Variants in CD164 observed in about 807,000 individuals in gnomAD.
The protein encoded by CD164 is sialomucin core protein 24.
In CD164, 11 loss-of-function variants were observed where a neutral mutation model predicts 24.6. That is an observed-to-expected ratio of 0.45 (90% CI 0.28 to 0.74). The LOEUF (loss-of-function observed/expected upper bound fraction) is 0.74. Ranked by LOEUF, CD164 falls within the 30% of genes least tolerant of loss-of-function variation. The probability of loss-of-function intolerance (pLI) is 0.13; values close to 1 mark genes in which losing one functional copy is unlikely to be tolerated. For synonymous variants in CD164, 126 were observed against 100.3 expected (o/e 1.26, Z -1.53); for missense variants, 295 against 243.7 (o/e 1.21, Z -1.40).
rs183918880 is a variant in CD164 at position 109,381,062 on chromosome 6, T to C, written c.175+1142A>G. 1.8e-3 allele frequency among the ~76,000 whole-genome samples: 269 copies of C among 152,346 alleles called. 1 individual carries two copies. Among genetic ancestry groups the C allele is most frequent in the African/African-American group, 6.3e-3 (262 of 41,584 alleles). ...ATATGAATGCCGTGATAAAAATCAT[T>C]ACACTTCGGCATTCTTCGGTCAAGA... On this transcript the variant is annotated intron_variant, in intron 1 of 5. Coordinates refer to ENST00000310786, the MANE Select transcript of CD164 (RefSeq NM_006016.6).
chr6:109,374,073 G>A (rs923149761), intron 4 of CD164, among the ~76,000 whole-genome samples: 2 of 152,140 alleles, frequency 1.3e-5, no homozygotes, highest in Non-Finnish European at 2.9e-5. Flanking sequence ...ACTTCTCTGG[G>A]CTTTTTTACT....
At chr6:109,371,484 A>C (rs1254963802) in intron 4 of CD164, 1 of 153,796 alleles carries the variant, frequency 6.5e-6, no homozygotes, top group Non-Finnish European at 1.5e-5. Context: ...TCCTGACCTC[A>C]AGTGATCTGC....
chr6:109,369,119 A>G (rs1182256445), intron 5 of CD164, 102 bp from the exon 6 acceptor site: 14 of 984,918 alleles, frequency 1.4e-5, no homozygotes, highest in South Asian at 9.4e-5. Context: ...GTTAAATTCT[A>G]TAAAGTATTT....
chr6:109,374,996 T>A (rs1408294932), intron 4 of CD164, among the ~76,000 whole-genome samples: 2 of 152,244 alleles, frequency 1.3e-5, no homozygotes, highest in African/African-American at 4.8e-5. Flanking sequence ...TGTCTTGGAA[T>A]AGACGCATTT....
Position 109,368,533 on chromosome 6 carries a change from A to C in CD164, c.*318T>G. ...TGCCAAGAGCCATGATGTTGTCTGC[A>C]CAAGACAACATTTTCCATCACTTTC... On this transcript the variant is annotated 3_prime_UTR_variant, in exon 6 of 6. Coordinates refer to ENST00000310786, the MANE Select transcript of CD164 (RefSeq NM_006016.6). 1 of 1,349,788 alleles carries C rather than the reference A, an allele frequency of 7.4e-7. No individual in the cohort carries two copies. The highest frequency in any genetic ancestry group is 9.5e-7 in the Non-Finnish European group (1 of 1,056,810). 83.6% of individuals were successfully genotyped at this position (1,349,788 alleles called of 1,614,324 possible). A position where few individuals can be genotyped will look rare whatever the true frequency, so the allele number is the denominator to read the frequency against.
At position 109,368,496 on chromosome 6, in the gene CD164, C is replaced by G. The variant is rs1770894776; in HGVS notation, c.*355G>C. On this transcript the variant is annotated 3_prime_UTR_variant, in exon 6 of 6. Transcript: ENST00000310786. The stretch of plus-strand genomic sequence containing the variant: ...AATTCTGTTCACTAAATTAAAATTA[C>G]TAAATTTAAACTGCCAAGAGCCATG... The G allele has an allele frequency of 4.4e-6, 6 of 1,354,326 alleles. No homozygotes were observed. In the East Asian group the frequency reaches 1.7e-4, roughly 38 times the overall value. 83.9% of individuals were successfully genotyped at this position (1,354,326 alleles called of 1,614,324 possible).
intron 1 of CD164, chr6:109,381,980 GC>G (rs1771778938): frequency 5.2e-6 from 2 of 383,026 alleles, no homozygotes; most frequent in Non-Finnish European, 9.2e-6. Context: ...CAGCCCCGCA[GC>G]CACTGGGAAC....
At chr6:109,380,352 A>G (rs1365401659) in intron 1 of CD164, 2 of 152,254 alleles carry the variant, frequency 1.3e-5, no homozygotes, top group East Asian at 3.8e-4. Context: ...AACGGACTAT[A>G]AAATTGGGCT....
At chr6:109,370,651 G>A in intron 4 of CD164, 184 bp from the exon 5 acceptor site, 1 of 526,904 alleles carries the variant, frequency 1.9e-6, no homozygotes, top group Non-Finnish European at 3.4e-6. Flanking sequence ...GGATTTAAGT[G>A]TATTTTAAAA....
intron 2 of CD164, among the ~76,000 whole-genome samples, chr6:109,379,050 A>G (rs1475960215): frequency 6.6e-6 from 1 of 152,214 alleles, no homozygotes; most frequent in Non-Finnish European, 1.5e-5. Context: ...GTATTAACAA[A>G]AGCACAGGAA....
chr6:109,368,926 G>C lies in CD164; in HGVS notation c.519C>G (p.Val173=), dbSNP rs1278223940. The change falls in exon 6 of 6, where the codon GTC becomes GTG. Residue 173 remains valine (V), a synonymous_variant. Coordinates refer to ENST00000310786, the MANE Select transcript of CD164 (RefSeq NM_006016.6). ...AGAAAATTACAGCCTGCACACCCAA[G>C]ACCAGGACAATTCCTCCAATGAAAC... is the stretch of plus-strand genomic sequence containing the variant. ...AASFIGGIVL[V]LGVQAVIFFL... The C allele has an allele frequency of 6.8e-6, 11 of 1,613,868 alleles. No homozygotes were observed. Among genetic ancestry groups the C allele is most frequent in the Non-Finnish European group, 9.3e-6 (11 of 1,179,908 alleles).
At position 109,368,541 on chromosome 6, in the gene CD164, A is replaced by T; in HGVS notation, c.*310T>A. 7.5e-7 allele frequency: 1 copy of T among 1,339,684 alleles called. No individual in the cohort carries two copies. Among genetic ancestry groups the T allele is most frequent in the South Asian group, 2.1e-5 (1 of 46,714 alleles). The allele number at this position is 1,339,684 out of a possible 1,614,324, so 83.0% of individuals were successfully genotyped here. ...GCCATGATGTTGTCTGCACAAGACA[A>T]CATTTTCCATCACTTTCAGAAAGTT... On this transcript the variant is annotated 3_prime_UTR_variant, in exon 6 of 6. Coordinates refer to ENST00000310786, the MANE Select transcript of CD164 (RefSeq NM_006016.6).
At chr6:109,369,151 A>G in intron 5 of CD164, 134 bp from the exon 6 acceptor site, 1 of 747,906 alleles carries the variant, frequency 1.3e-6, no homozygotes, top group Non-Finnish European at 2.2e-6. Flanking sequence ...TACAGCTAGA[A>G]TTTATCCCTA....
rs1770791161 is a variant in CD164 at position 109,366,909 on chromosome 6, TTA to T, written c.*1940_*1941del. On this transcript the variant is annotated 3_prime_UTR_variant, in exon 6 of 6. Transcript: ENST00000310786. Reference sequence around the variant, plus strand: ...TCAAAATTACAGAAGCTTCAAATTGTTATGTTTTCACAAAATTTGCTACATAT... The same window carrying T: ...TCAAAATTACAGAAGCTTCAAATTGTTGTTTTCACAAAATTTGCTACATAT... 1 of 152,364 alleles carries T rather than the reference TTA, an allele frequency of 6.6e-6. No homozygotes were observed. Among genetic ancestry groups the T allele is most frequent in the Non-Finnish European group, 1.5e-5 (1 of 68,020 alleles). The allele number at this position is 152,364 out of a possible 1,614,324, so 9.4% of individuals were successfully genotyped here.
chr6:109,374,524 A>T (rs2115155337), intron 4 of CD164, among the ~76,000 whole-genome samples: 1 of 152,162 alleles, frequency 6.6e-6, no homozygotes, highest in East Asian at 1.9e-4. Context: ...TAATCTCCTG[A>T]GTTCCTTCTG....
chr6:109,378,925 T>C (rs909532032), intron 2 of CD164, among the ~76,000 whole-genome samples: 1 of 151,858 alleles, frequency 6.6e-6, no homozygotes, highest in East Asian at 1.9e-4. Flanking sequence ...ATTGTTTTAC[T>C]GATAAGTGCA....
Position 109,382,305 on chromosome 6 carries a change from T to C in CD164, c.74A>G (p.Lys25Arg). 1.3e-6 allele frequency: 2 copies of C among 1,582,082 alleles called. No homozygotes were observed. The highest frequency in any genetic ancestry group is 1.7e-6 in the Non-Finnish European group (2 of 1,167,418). ...LGVLCVLSAD[K>R]NTTQHPNVTT... ...CACGTTCGGGTGCTGGGTCGTGTTC[T>C]TGTCCGCGGACAGCACGCAGAGCAC... Residue 25 changes from lysine (K) to arginine (R), a missense_variant, in exon 1 of 6, where the codon AAG becomes AGG. Transcript: ENST00000310786.
chr6:109,373,354 ATTGT>A (rs765822631), intron 4 of CD164, among the ~76,000 whole-genome samples: 17 of 152,192 alleles, frequency 1.1e-4, no homozygotes, highest in Non-Finnish European at 1.5e-4. Context: ...TTCTCTTTGC[ATTGT>A]TTAACTACCC....
intron 2 of CD164, 36 bp downstream of exon 2, chr6:109,379,543 A>G (rs371159765): frequency 7.1e-7 from 1 of 1,406,664 alleles, no homozygotes; most frequent in South Asian, 1.2e-5. Context: ...TTAAAATGCT[A>G]TAACAAAACA....
Sources: allele counts gnomAD v4.1 joint callset (sites outside exome capture counted in the v4.1 genomes callset), GRCh38; gene constraint gnomAD v4.1.1; transcripts MANE v1.5; gene names NCBI Gene and HGNC (gene_info 2026-07-23, HGNC 2026-07-21).